The following GPR22 variants were observed in gnomAD, a reference collection of about 807,000 sequenced individuals.
GPR22 encodes the protein G-protein coupled receptor 22.
In GPR22, 13 loss-of-function variants were observed where a neutral mutation model predicts 31.0. The observed-to-expected ratio is 0.42, with a 90% confidence interval of 0.27 to 0.67. The LOEUF is 0.67. Among genes scored for constraint, GPR22 ranks in the 30% least tolerant of loss-of-function variants. The probability of loss-of-function intolerance (pLI) is 0.25; values close to 1 mark genes in which losing one functional copy is unlikely to be tolerated. For missense variants in GPR22, 368 were observed against 509.6 expected (o/e 0.72, Z 2.67); for synonymous variants, 191 against 173.4 (o/e 1.10, Z -0.80).
At chr7:107,473,889 C>T (rs1051564640) in intron 2 of GPR22, 146 bp from the exon 3 acceptor site, 10 of 484,816 alleles carry the variant, frequency 2.1e-5, no homozygotes, top group Admixed American at 1.1e-4. Flanking sequence ...CTTGATGGTT[C>T]TTAATTCTAC....
rs892129876 is a variant in GPR22 at position 107,475,484 on chromosome 7, A to G, written c.*122A>G. 1.8e-6 allele frequency: 1 copy of G among 568,200 alleles called. No homozygotes were observed. The highest frequency in any genetic ancestry group is 3.1e-6 in the Non-Finnish European group (1 of 321,140). 35.2% of individuals were successfully genotyped at this position (568,200 alleles called of 1,614,324 possible). A position where few individuals can be genotyped will look rare whatever the true frequency, so the allele number is the denominator to read the frequency against. On this transcript the variant is annotated 3_prime_UTR_variant, in exon 3 of 3. Coordinates refer to ENST00000304402, the MANE Select transcript of GPR22 (RefSeq NM_005295.3). The stretch of plus-strand genomic sequence containing the variant: ...AGTATTGGTTATGTTGTAAATTTTC[A>G]ATGTGAATGTCAATTAGATAGGTCA...
rs771897714 is a variant in GPR22, at chr7:107,474,723, T to C, written c.663T>C (p.Phe221=). 6.2e-7 allele frequency: 1 copy of C among 1,611,226 alleles called. No homozygotes were observed. Among genetic ancestry groups the C allele is most frequent in the Non-Finnish European group, 8.5e-7 (1 of 1,178,554 alleles). The stretch of plus-strand genomic sequence containing the variant: ...TGTTAGTACAGATCCCAATATTCTT[T>C]TTCACTGTTGTAGTAATGTTAATCA... ...YHLLVQIPIF[F]FTVVVMLITY... Residue 221 remains phenylalanine, a synonymous_variant, in exon 3 of 3, where the codon TTT becomes TTC. Coordinates refer to ENST00000304402, the MANE Select transcript of GPR22 (RefSeq NM_005295.3). This position sits in a 1 kb window ranked among gnomAD's most constrained non-coding sequence, Gnocchi z 5.7.
At chr7:107,472,735 A>G (rs1796712903) in intron 2 of GPR22, 2 of 151,988 alleles carry the variant, frequency 1.3e-5, no homozygotes, top group African/African-American at 4.8e-5. Context: ...AAAAAAGTTC[A>G]TAAATAAAAC....
chr7:107,476,681 A>T (rs910624296), downstream of GPR22, among the ~76,000 whole-genome samples: 1 of 151,766 alleles, frequency 6.6e-6, no homozygotes, highest in East Asian at 1.9e-4. Context: ...TCAGAAATTT[A>T]GCAATAAGTT....
rs1478798572 is a variant in GPR22 at position 107,475,134 on chromosome 7, A to G, written c.1074A>G (p.Gly358=). ...TGTGTTTTTTAGTCATGGCTTATGG[A>G]ACAACTATATTTCACCCTCTATTAT... ...LRLCFLVMAY[G]TTIFHPLLYA... is the part of the protein sequence containing the mutation. Residue 358 remains glycine, a synonymous_variant, in exon 3 of 3, where the codon GGA becomes GGG. Coordinates refer to ENST00000304402, the MANE Select transcript of GPR22 (RefSeq NM_005295.3). The G allele has an allele frequency of 6.2e-7, 1 of 1,610,410 alleles. No homozygotes were observed. The highest frequency in any genetic ancestry group is 8.5e-7 in the Non-Finnish European group (1 of 1,177,448).
chr7:107,471,719 GA>G lies in GPR22; in HGVS notation c.-606del, dbSNP rs1796644447. On this transcript the variant is annotated 5_prime_UTR_variant, in exon 2 of 3. An upstream open reading frame in the 5' UTR loses its in-frame stop. Coordinates refer to ENST00000304402, the MANE Select transcript of GPR22 (RefSeq NM_005295.3). ...GAAACATGAATTTCCAAAAAGAAAAGAAAATACTTTATCAGCACACAAAAGG... is the reference window on the plus strand; with the variant it reads ...GAAACATGAATTTCCAAAAAGAAAAGAAATACTTTATCAGCACACAAAAGG... The G allele has an allele frequency of 6.6e-6, 1 of 151,938 alleles. No homozygotes were observed. The highest frequency in any genetic ancestry group is 2.4e-5 in the African/African-American group (1 of 41,402). 9.4% of individuals were successfully genotyped at this position (151,938 alleles called of 1,614,324 possible). A position where few individuals can be genotyped will look rare whatever the true frequency, so the allele number is the denominator to read the frequency against.
chr7:107,474,042 A>T lies in GPR22; in HGVS notation c.-19A>T, dbSNP rs1448594465. 1.4e-6 allele frequency: 2 copies of T among 1,411,008 alleles called. No individual in the cohort carries two copies. The highest frequency in any genetic ancestry group is 1.9e-6 in the Non-Finnish European group (2 of 1,030,690). The allele number at this position is 1,411,008 out of a possible 1,614,324, so 87.4% of individuals were successfully genotyped here. A position where few individuals can be genotyped will look rare whatever the true frequency, so the allele number is the denominator to read the frequency against. On this transcript the variant is annotated 5_prime_UTR_variant, in exon 3 of 3. Transcript: ENST00000304402. The surrounding 1 kb of genome is among the most constrained non-coding windows in gnomAD (Gnocchi z 5.7). ...TTCTATTTCACTTTCTAGGGAAAAA[A>T]ACCAACTGCTCCAAAAGAATGTGTT...
Position 107,472,096 on chromosome 7 carries a change from T to C in GPR22, c.-233T>C, listed in dbSNP as rs958803455. 6 of 152,046 alleles carry C rather than the reference T, an allele frequency of 3.9e-5. No individual in the cohort carries two copies. The highest frequency in any genetic ancestry group is 8.8e-5 in the Non-Finnish European group (6 of 67,940). 9.4% of individuals were successfully genotyped at this position (152,046 alleles called of 1,614,324 possible). Reference sequence around the variant, plus strand: ...TAAAGAAATATTATCATGTACTCCATCAAAGGGAAACATAATTCCTATCAT... The same window carrying C: ...TAAAGAAATATTATCATGTACTCCACCAAAGGGAAACATAATTCCTATCAT... On this transcript the variant is annotated 5_prime_UTR_variant, in exon 2 of 3. Transcript: ENST00000304402.
rs766064928 is a variant in GPR22 at position 107,474,205 on chromosome 7, A to C, written c.145A>C (p.Met49Leu). The C allele has an allele frequency of 1.2e-6, 2 of 1,613,200 alleles. No homozygotes were observed. The highest frequency in any genetic ancestry group is 1.1e-5 in the South Asian group (1 of 91,054). The change falls in exon 3 of 3, where the codon ATG (methionine) becomes CTG (leucine). Residue 49 changes from methionine to leucine, a missense_variant. Coordinates refer to ENST00000304402, the MANE Select transcript of GPR22 (RefSeq NM_005295.3). The surrounding 1 kb of genome is among the most constrained non-coding windows in gnomAD (Gnocchi z 5.7). The stretch of plus-strand genomic sequence containing the variant: ...TCAAGTGTCTCTCACCGGATTTCTT[A>C]TGTTAGAAATTGTGTTGGGACTTGG... ...SFQVSLTGFL[M>L]LEIVLGLGSN...
downstream of GPR22, among the ~76,000 whole-genome samples, chr7:107,477,431 T>C (rs1485417623): frequency 6.6e-6 from 1 of 151,686 alleles, no homozygotes; most frequent in East Asian, 1.9e-4. Flanking sequence ...AAAAAAGAGA[T>C]TTCTAATATA....
chr7:107,473,987 C>A, intron 2 of GPR22, 48 bp from the exon 3 acceptor site: 1 of 731,308 alleles, frequency 1.4e-6, no homozygotes, highest in Non-Finnish European at 2.3e-6. Flanking sequence ...CGTTATACGT[C>A]ATTTAAATTG....
At chr7:107,477,156 A>G (rs1797042466), downstream of GPR22, among the ~76,000 whole-genome samples, 1 of 151,700 alleles carries the variant, frequency 6.6e-6, no homozygotes, top group Non-Finnish European at 1.5e-5. Flanking sequence ...TTCGTTTAGT[A>G]AATACATTTG....
downstream of GPR22, among the ~76,000 whole-genome samples, chr7:107,477,450 A>G (rs1186819812): frequency 6.6e-6 from 1 of 151,742 alleles, no homozygotes; most frequent in Non-Finnish European, 1.5e-5. Context: ...TATTTGTCTA[A>G]ACTGCTTTCA....
In GPR22 at chr7:107,473,628, T is replaced by C. The variant is rs1796781682; in HGVS notation, c.-26-407T>C. On this transcript the variant is annotated intron_variant, in intron 2 of 2. Transcript: ENST00000304402. ...CACCTACACTCATTATGCTAGAGCA[T>C]ATTAAAATAGCATTCATTTGGTACC... Among the ~76,000 whole-genome samples the C allele has an allele frequency of 2.0e-5, 3 of 152,006 alleles. No individual in the cohort carries two copies. The South Asian group carries it at 6.2e-4, about 31-fold the overall frequency.
intron 2 of GPR22, among the ~76,000 whole-genome samples, chr7:107,473,407 G>C (rs17481621): frequency 0.13 from 19,055 of 151,856 alleles, 1,502 homozygotes; most frequent in Non-Finnish European, 0.17. Context: ...AGTGAGCATT[G>C]TAACTGTGAT....
At chr7:107,471,267 T>A (rs1055594792) in intron 1 of GPR22, 105 bp from the exon 2 acceptor site, 2 of 152,120 alleles carry the variant, frequency 1.3e-5, no homozygotes, top group Non-Finnish European at 1.5e-5. Context: ...TTGGTTATTT[T>A]GATAACAAAT....
intron 1 of GPR22, among the ~76,000 whole-genome samples, 186 bp from the exon 2 acceptor site, chr7:107,471,186 C>T (rs2041175803): frequency 6.6e-6 from 1 of 151,948 alleles, no homozygotes; most frequent in Non-Finnish European, 1.5e-5. Flanking sequence ...TATATACAAT[C>T]TTTATTAGGA....
rs773434767 is a variant in GPR22 at position 107,474,620 on chromosome 7, G to C, written c.560G>C (p.Gly187Ala). 3.1e-6 allele frequency: 5 copies of C among 1,610,844 alleles called. No homozygotes were observed. Among genetic ancestry groups the C allele is most frequent in the Non-Finnish European group, 4.2e-6 (5 of 1,178,334 alleles). ...IEVNFFSLQS[G>A]NTWENKTLLC... ...GTAAATTTTTTCAGTCTTCAAAGTG[G>C]AAATACCTGGGAAAACAAGACACTT... is the stretch of plus-strand genomic sequence containing the variant. The change falls in exon 3 of 3, where the codon GGA becomes GCA. Residue 187 changes from glycine to alanine, a missense_variant. Gly to Ala is a moderately conservative substitution (Grantham distance 60, BLOSUM62 0). Coordinates refer to ENST00000304402, the MANE Select transcript of GPR22 (RefSeq NM_005295.3). The surrounding 1 kb of genome is among the most constrained non-coding windows in gnomAD (Gnocchi z 5.7).
chr7:107,476,184 TAA>T (rs34741713), downstream of GPR22, among the ~76,000 whole-genome samples: 3 of 44,058 alleles, frequency 6.8e-5, no homozygotes, highest in South Asian at 1.2e-3. Context: ...GCAATGATTT[TAA>T]AAAAAAAAAA....
Sources: allele counts gnomAD v4.1 joint callset (sites outside exome capture counted in the v4.1 genomes callset), GRCh38; gene constraint gnomAD v4.1.1; non-coding constraint Gnocchi (gnomAD v3.1); transcripts MANE v1.5; gene names NCBI Gene and HGNC (gene_info 2026-07-23, HGNC 2026-07-21).